TNFRSF1B: variants seen among roughly 807,000 people sequenced by gnomAD.
TNFRSF1B encodes tumor necrosis factor receptor superfamily member 1B.
Under a neutral mutation model 44.6 loss-of-function variants are expected in TNFRSF1B, and 19 were observed. The ratio of observed to expected loss-of-function variants is 0.43; its 90% CI spans 0.30 to 0.62. The LOEUF (loss-of-function observed/expected upper bound fraction) is 0.62. Ranked by LOEUF, TNFRSF1B falls within the 20% of genes least tolerant of loss-of-function variation. TNFRSF1B has a pLI of 0.16. For synonymous variants in TNFRSF1B, 252 were observed against 261.1 expected (o/e 0.97, Z 0.34); for missense variants, 541 against 619.9 (o/e 0.87, Z 1.35).
intron 7 of TNFRSF1B, 47 bp from the exon 8 acceptor site, chr1:12,194,537 G>A (rs1436780971): frequency 2.5e-6 from 4 of 1,612,616 alleles, no homozygotes; most frequent in Non-Finnish European, 3.4e-6. Context: ...TAGGACAGAT[G>A]TGCCTGAGGA....
intron 5 of TNFRSF1B, 104 bp downstream of exon 5, chr1:12,192,628 C>A: frequency 1.7e-6 from 2 of 1,190,840 alleles, no homozygotes; most frequent in Non-Finnish European, 2.5e-6. Context: ...ATTGTCCAGA[C>A]TGCTTTATCT....
intron 1 of TNFRSF1B, among the ~76,000 whole-genome samples, chr1:12,184,902 G>T (rs1442249469): frequency 6.6e-6 from 1 of 152,194 alleles, no homozygotes; most frequent in Non-Finnish European, 1.5e-5. Context: ...TGTGCGGGGT[G>T]GGGGGCTGCC....
chr1:12,193,951 C>G lies in TNFRSF1B; in HGVS notation c.788-4C>G. 6.2e-7 allele frequency: 1 copy of G among 1,613,290 alleles called. No homozygotes were observed. Among genetic ancestry groups the G allele is most frequent in the Non-Finnish European group, 8.5e-7 (1 of 1,179,252 alleles). On this transcript the variant is annotated splice_polypyrimidine_tract_variant and splice_region_variant and intron_variant, in intron 6 of 9. Transcript: ENST00000376259. The stretch of plus-strand genomic sequence containing the variant: ...AGCTGTCTGAGCTTCTCTTTTCTTT[C>G]TAGGACTGATTGTGGGTGTGACAGC...
rs1329519153 is a variant in TNFRSF1B at position 12,187,391 on chromosome 1, G to C, written c.79-1405G>C. Reference sequence around the variant, plus strand: ...TGGTCTCGAACTCTTGACCTCAAGTGATCCACCTGCTTCGGCCTCCCAAAG... The same window carrying C: ...TGGTCTCGAACTCTTGACCTCAAGTCATCCACCTGCTTCGGCCTCCCAAAG... On this transcript the variant is annotated intron_variant, in intron 1 of 9. Transcript: ENST00000376259. The surrounding 1 kb of genome is among the most constrained non-coding windows in gnomAD (Gnocchi z 5.5). 6.6e-6 allele frequency among the ~76,000 whole-genome samples: 1 copy of C among 152,178 alleles called. No individual in the cohort carries two copies. The highest frequency in any genetic ancestry group is 1.5e-5 in the Non-Finnish European group (1 of 68,030).
chr1:12,194,082 T>G, intron 7 of TNFRSF1B, 50 bp downstream of exon 7: 4 of 1,510,722 alleles, frequency 2.6e-6, no homozygotes, highest in African/African-American at 2.7e-5. Flanking sequence ...GAAGCTTTTG[T>G]GGGGTGCCTC....
intron 8 of TNFRSF1B, 48 bp downstream of exon 8, chr1:12,194,666 C>A: frequency 6.2e-7 from 1 of 1,608,800 alleles, no homozygotes. Flanking sequence ...GTCTCCTTCC[C>A]GGCGTGCTGG....
In TNFRSF1B at chr1:12,167,150, C is replaced by T. The variant is rs1638407667; in HGVS notation, c.59C>T (p.Ala20Val). 1.5e-6 allele frequency: 2 copies of T among 1,313,330 alleles called. No individual in the cohort carries two copies. Among genetic ancestry groups the T allele is most frequent in the Non-Finnish European group, 9.7e-7 (1 of 1,028,386 alleles). The allele number at this position is 1,313,330 out of a possible 1,614,324, so 81.4% of individuals were successfully genotyped here. The stretch of plus-strand genomic sequence containing the variant: ...GTCGGACTGGAGCTCTGGGCTGCGG[C>T]GCACGCCTTGCCCGCCCAGGTGGGT... The part of the protein sequence containing the change: ...LAVGLELWAA[A>V]HALPAQVAFT... Residue 20 changes from alanine to valine, a missense_variant, in exon 1 of 10, where the codon GCG becomes GTG. Ala to Val is a moderately conservative substitution (Grantham distance 64, BLOSUM62 0). Transcript: ENST00000376259.
At chr1:12,196,028 C>T (rs1639258477) in intron 8 of TNFRSF1B, among the ~76,000 whole-genome samples, 3 of 152,058 alleles carry the variant, frequency 2.0e-5, no homozygotes, top group East Asian at 1.9e-4. Context: ...TGGCTGGGCA[C>T]GGTGGCTCAC....
rs1162393883 is a variant in TNFRSF1B at position 12,177,863 on chromosome 1, T to A, written c.78+10694T>A. 6.6e-6 allele frequency among the ~76,000 whole-genome samples: 1 copy of A among 151,606 alleles called. No individual in the cohort carries two copies. The highest frequency in any genetic ancestry group is 2.4e-5 in the African/African-American group (1 of 41,202). Reference sequence around the variant, plus strand: ...TTGGGTGCAATGCGCAAGAGACCGATGCATTAACTACACAGAGTGCCCTTC... The same window carrying A: ...TTGGGTGCAATGCGCAAGAGACCGAAGCATTAACTACACAGAGTGCCCTTC... On this transcript the variant is annotated intron_variant, in intron 1 of 9. Transcript: ENST00000376259. The surrounding 1 kb of genome is among the most constrained non-coding windows in gnomAD (Gnocchi z 4.3).
intron 8 of TNFRSF1B, among the ~76,000 whole-genome samples, chr1:12,197,438 G>A (rs1231824477): frequency 6.6e-6 from 1 of 152,232 alleles, no homozygotes; most frequent in African/African-American, 2.4e-5. Flanking sequence ...TGAATATGGA[G>A]TTGGGAGGAA....
chr1:12,201,658 T>C (rs774538794), intron 8 of TNFRSF1B, among the ~76,000 whole-genome samples: 1 of 152,158 alleles, frequency 6.6e-6, no homozygotes. Flanking sequence ...TACTCCCTTA[T>C]GCAAAATAAG....
At chr1:12,173,384 C>G (rs1223364825) in intron 1 of TNFRSF1B, among the ~76,000 whole-genome samples, 1 of 152,164 alleles carries the variant, frequency 6.6e-6, no homozygotes, top group Non-Finnish European at 1.5e-5. Flanking sequence ...CTCAATCTCA[C>G]TTGCTTTGGG....
rs764708786 is a variant in TNFRSF1B, at chr1:12,192,421, T to C, written c.458-10T>C. On this transcript the variant is annotated splice_polypyrimidine_tract_variant and intron_variant, in intron 4 of 9. Coordinates refer to ENST00000376259, the MANE Select transcript of TNFRSF1B (RefSeq NM_001066.3). Reference sequence around the variant, plus strand: ...CTGAGTGGTTGACAAGTTCGGATTGTTCCCTGAAGGAACTGAAACATCAGA... The same window carrying C: ...CTGAGTGGTTGACAAGTTCGGATTGCTCCCTGAAGGAACTGAAACATCAGA... The C allele has an allele frequency of 5.6e-6, 9 of 1,613,770 alleles. No individual in the cohort carries two copies. The Middle Eastern group carries it at 6.6e-4, about 118-fold the overall frequency.
intron 2 of TNFRSF1B, among the ~76,000 whole-genome samples, chr1:12,189,944 G>A (rs954770615): frequency 6.6e-6 from 1 of 152,234 alleles, no homozygotes; most frequent in Non-Finnish European, 1.5e-5. Context: ...CCTGTTTGGT[G>A]AGTTGGAGGA....
chr1:12,191,586 G>C lies in TNFRSF1B; in HGVS notation c.308-188G>C, dbSNP rs543409484. 187 of 687,856 alleles carry C rather than the reference G, an allele frequency of 2.7e-4. 6 individuals carry two copies. In the South Asian group the frequency reaches 2.9e-3, roughly 11 times the overall value. The allele number at this position is 687,856 out of a possible 1,614,324, so 42.6% of individuals were successfully genotyped here. The stretch of plus-strand genomic sequence containing the variant: ...AGTAGCGGGACTGCGGAGAGTAGCG[G>C]GACTGCGGAGAGTAGCAGGACTGCC... On this transcript the variant is annotated intron_variant, in intron 3 of 9. Transcript: ENST00000376259.
In TNFRSF1B at chr1:12,207,637, C is replaced by A. The variant is rs1312323470; in HGVS notation, c.*617C>A. 1 of 153,076 alleles carries A rather than the reference C, an allele frequency of 6.5e-6. No individual in the cohort carries two copies. The highest frequency in any genetic ancestry group is 2.1e-4 in the South Asian group (1 of 4,856). The allele number at this position is 153,076 out of a possible 1,614,324, so 9.5% of individuals were successfully genotyped here. On this transcript the variant is annotated 3_prime_UTR_variant, in exon 10 of 10. Transcript: ENST00000376259. ...GGAAAGCATCACCTCAGGCCAGGTGCAGTGGCTCACGCCTATGATCCCAGC... is the reference window on the plus strand; with the variant it reads ...GGAAAGCATCACCTCAGGCCAGGTGAAGTGGCTCACGCCTATGATCCCAGC...
intron 8 of TNFRSF1B, among the ~76,000 whole-genome samples, chr1:12,196,852 C>T (rs576271301): frequency 2.0e-5 from 3 of 152,366 alleles, no homozygotes; most frequent in African/African-American, 7.2e-5. Context: ...CCAGCTGTCA[C>T]CTTCCCTTTC....
At chr1:12,191,585 GGGACTGCGGAGAGTAGCA>G (rs1289334361) in intron 3 of TNFRSF1B, 171 bp from the exon 4 acceptor site, 22 of 677,336 alleles carry the variant, frequency 3.2e-5, no homozygotes, top group Non-Finnish European at 4.6e-5. Flanking sequence ...GGAGAGTAGC[GGGACTGCGGAGAGTAGCA>G]GGACTGCCGG....
intron 1 of TNFRSF1B, among the ~76,000 whole-genome samples, chr1:12,182,789 G>C (rs188216339): frequency 6.6e-6 from 1 of 152,368 alleles, no homozygotes; most frequent in African/African-American, 2.4e-5. Flanking sequence ...CCAAAGCCAA[G>C]ACCTGGAGGA....
Sources: allele counts gnomAD v4.1 joint callset (sites outside exome capture counted in the v4.1 genomes callset), GRCh38; gene constraint gnomAD v4.1.1; non-coding constraint Gnocchi (gnomAD v3.1); transcripts MANE v1.5; gene names NCBI Gene and HGNC (gene_info 2026-07-23, HGNC 2026-07-21).